The following PIK3C3 variants were observed in gnomAD, a reference collection of about 807,000 sequenced individuals.
PIK3C3 encodes PI3-kinase type 3.
A neutral mutation model predicts 126.1 loss-of-function variants in PIK3C3; 95 were observed. The ratio of observed to expected loss-of-function variants is 0.75; its 90% CI spans 0.64 to 0.89. The LOEUF is 0.89. PIK3C3 is among the 40% of genes least tolerant of loss of function. The probability of loss-of-function intolerance (pLI) is 0.00; values close to 1 mark genes in which losing one functional copy is unlikely to be tolerated. For missense variants in PIK3C3, 829 were observed against 1,063.2 expected (o/e 0.78, Z 3.06); for synonymous variants, 374 against 360.0 (o/e 1.04, Z -0.44).
At position 41,990,967 on chromosome 18, in the gene PIK3C3, A is replaced by T. The variant is rs2144354420; in HGVS notation, c.714+413A>T. Among the ~76,000 whole-genome samples, 3 of 152,298 alleles carry T rather than the reference A, an allele frequency of 2.0e-5. No individual in the cohort carries two copies. The Middle Eastern group carries it at 0.01, about 518-fold the overall frequency. On this transcript the variant is annotated intron_variant, in intron 6 of 24. Coordinates refer to ENST00000262039, the MANE Select transcript of PIK3C3 (RefSeq NM_002647.4). ...ATTTGAGTGTATGTGTAATGTCTAT[A>T]TGTGGCCCTCACTGAAGTATACTTA...
At position 42,029,414 on chromosome 18, in the gene PIK3C3, A is replaced by G. The variant is rs1450016972; in HGVS notation, c.1680A>G (p.Gln560=). ...DRLVHLMKAV[Q]RESGNRKKKN... ...TGGTGCATCTAATGAAGGCAGTACA[A>G]CGCGAAAGTGGAAATCGTAAGAAAA... Residue 560 remains glutamine (Q), a synonymous_variant, in exon 15 of 25, where the codon CAA becomes CAG. Transcript: ENST00000262039. 6 of 1,611,756 alleles carry G rather than the reference A, an allele frequency of 3.7e-6. No individual in the cohort carries two copies. The Admixed American group carries it at 1.0e-4, about 27-fold the overall frequency.
intron 19 of PIK3C3, among the ~76,000 whole-genome samples, chr18:42,041,783 C>T (rs1324173136): frequency 6.6e-6 from 1 of 152,084 alleles, no homozygotes; most frequent in African/African-American, 2.4e-5. Context: ...AAAGCAAGTG[C>T]TTATTCTGTT....
intron 20 of PIK3C3, chr18:42,049,273 G>T: frequency 3.3e-6 from 1 of 302,706 alleles, no homozygotes; most frequent in South Asian, 8.0e-5. Context: ...ATAATTTAAG[G>T]TCTCCTGAAC....
chr18:41,958,155 C>T (rs889871741), intron 2 of PIK3C3, among the ~76,000 whole-genome samples: 3 of 152,060 alleles, frequency 2.0e-5, no homozygotes, highest in African/African-American at 4.8e-5. Flanking sequence ...CTATTGCCAT[C>T]GGTTCAGATA....
chr18:42,039,602 C>T (rs59807585), intron 18 of PIK3C3, among the ~76,000 whole-genome samples: 134 of 152,314 alleles, frequency 8.8e-4, no homozygotes, highest in African/African-American at 3.1e-3. Context: ...GCATTGTGCT[C>T]TAAGGCCTTC....
intron 4 of PIK3C3, among the ~76,000 whole-genome samples, chr18:41,986,232 C>G (rs954440637): frequency 6.6e-6 from 1 of 152,048 alleles, no homozygotes; most frequent in Non-Finnish European, 1.5e-5. Flanking sequence ...TAAAAAGTGC[C>G]TATAATTTGG....
chr18:42,076,177 T>TGC (rs58514972), intron 24 of PIK3C3, among the ~76,000 whole-genome samples: 2 of 116,004 alleles, frequency 1.7e-5, no homozygotes, highest in Admixed American at 9.0e-5. Context: ...TATATATATA[T>TGC]GCACATATAT....
chr18:41,986,411 T>C lies in PIK3C3; in HGVS notation c.532-1401T>C, dbSNP rs1011724513. Among the ~76,000 whole-genome samples the C allele has an allele frequency of 5.9e-5, 9 of 151,322 alleles. No individual in the cohort carries two copies. The East Asian group carries it at 7.7e-4, about 13-fold the overall frequency. On this transcript the variant is annotated intron_variant, in intron 4 of 24. Transcript: ENST00000262039. The stretch of plus-strand genomic sequence containing the variant: ...GAGCATATTGCGAAGTGAGTAAGAA[T>C]AGAGGCTTCCAATGACTGCATGAAA...
intron 16 of PIK3C3, among the ~76,000 whole-genome samples, chr18:42,035,661 T>G (rs921107130): frequency 6.6e-6 from 1 of 151,514 alleles, no homozygotes; most frequent in Non-Finnish European, 1.5e-5. Context: ...GTGTAGGGAG[T>G]TGCTACTTTG....
At chr18:42,057,276 TTACTC>T (rs1224807484) in intron 21 of PIK3C3, among the ~76,000 whole-genome samples, 2 of 110,866 alleles carry the variant, frequency 1.8e-5, no homozygotes, top group Non-Finnish European at 3.4e-5. Flanking sequence ...ATACTATACA[TTACTC>T]TTACTATACA....
chr18:41,994,235 C>T (rs974371725), intron 7 of PIK3C3, among the ~76,000 whole-genome samples: 4 of 152,046 alleles, frequency 2.6e-5, no homozygotes, highest in South Asian at 2.1e-4. Context: ...AGGCCACTTG[C>T]GGATCTGGTA....
chr18:42,043,101 T>A (rs1057222725), intron 19 of PIK3C3, among the ~76,000 whole-genome samples: 10 of 139,862 alleles, frequency 7.1e-5, no homozygotes, highest in Non-Finnish European at 1.4e-4. Context: ...TAGGATAAAC[T>A]TTTTTTTTTT....
At chr18:42,077,817 A>C (rs1204396667) in intron 24 of PIK3C3, among the ~76,000 whole-genome samples, 1 of 152,144 alleles carries the variant, frequency 6.6e-6, no homozygotes, top group African/African-American at 2.4e-5. Flanking sequence ...GTAGGTTTTC[A>C]ATTTGTTTTG....
At chr18:42,058,097 A>G (rs767653765) in intron 22 of PIK3C3, 46 bp downstream of exon 22, 1 of 1,475,218 alleles carries the variant, frequency 6.8e-7, no homozygotes, top group Non-Finnish European at 9.1e-7. Flanking sequence ...AATTTATTTT[A>G]TTTTATAGAA....
intron 21 of PIK3C3, among the ~76,000 whole-genome samples, chr18:42,053,622 C>A (rs1270950597): frequency 6.6e-6 from 1 of 152,012 alleles, no homozygotes; most frequent in Admixed American, 6.6e-5. Context: ...AATCATTGTC[C>A]TTAGGAGAAG....
chr18:42,076,113 T>TGCAC (rs1568013526), intron 24 of PIK3C3, among the ~76,000 whole-genome samples: 63 of 77,678 alleles, frequency 8.1e-4, no homozygotes, highest in Non-Finnish European at 1.4e-3. Flanking sequence ...TATATATATA[T>TGCAC]ATATATATGC....
chr18:41,981,587 C>T (rs1048451474), intron 4 of PIK3C3, among the ~76,000 whole-genome samples: 4 of 152,080 alleles, frequency 2.6e-5, no homozygotes, highest in Non-Finnish European at 2.9e-5. Context: ...AACATGCACA[C>T]GTACATGATT....
rs35520496 is a variant in PIK3C3 at position 42,059,770 on chromosome 18, C to CT, written c.2432+1736dup. 8.2e-3 allele frequency: 1,162 copies of CT among 141,008 alleles called. 13 individuals carry two copies. Among genetic ancestry groups the CT allele is most frequent in the African/African-American group, 0.021 (798 of 38,646 alleles). The allele number at this position is 141,008 out of a possible 1,614,324, so 8.7% of individuals were successfully genotyped here. A position where few individuals can be genotyped will look rare whatever the true frequency, so the allele number is the denominator to read the frequency against. On this transcript the variant is annotated intron_variant, in intron 22 of 24. Transcript: ENST00000262039. ...ATCTGGACCTAAATTATTTGATCAA[C>CT]TTTTTTTTTTTTTTTTTGAGACAGG... is the stretch of plus-strand genomic sequence containing the variant.
chr18:42,033,733 T>G, intron 15 of PIK3C3, 93 bp from the exon 16 acceptor site: 2 of 912,770 alleles, frequency 2.2e-6, no homozygotes, highest in Non-Finnish European at 3.3e-6. Flanking sequence ...CAAATACTTT[T>G]AAGTTAATGG....
Sources: gnomAD v4.1 joint callset for allele counts (sites outside exome capture counted in the v4.1 genomes callset) on GRCh38, gnomAD v4.1.1 for gene constraint, MANE v1.5 for transcripts, NCBI Gene and HGNC (gene_info 2026-07-23, HGNC 2026-07-21) for gene names.